PDE6C: variants seen among roughly 807,000 people sequenced by gnomAD.
The protein encoded by PDE6C is phosphodiesterase 6C.
A neutral mutation model predicts 113.1 loss-of-function variants in PDE6C; 75 were observed. That is an observed-to-expected ratio of 0.66 (90% CI 0.55 to 0.80). The LOEUF is 0.80. Among genes scored for constraint, PDE6C ranks in the 30% least tolerant of loss-of-function variants. PDE6C has a pLI of 0.00. For missense variants in PDE6C, 912 were observed against 1,038.6 expected, an observed-to-expected ratio of 0.88 and a Z score of 1.67; for synonymous variants, 375 against 363.7, an observed-to-expected ratio of 1.03 and a Z score of -0.35.
At position 93,640,068 on chromosome 10, in the gene PDE6C, A is replaced by T; in HGVS notation, c.1483-2A>T. ...TGAAACAACCCATCCTTATTTCAAC[A>T]GAAAGAGGACTTGCCAGACCCACGC... On this transcript the variant is annotated splice_acceptor_variant, in intron 11 of 21. Transcript: ENST00000371447. LOFTEE classifies it high-confidence loss of function. 6.2e-7 allele frequency: 1 copy of T among 1,614,080 alleles called. No individual in the cohort carries two copies. Among genetic ancestry groups the T allele is most frequent in the Non-Finnish European group, 8.5e-7 (1 of 1,179,922 alleles).
intron 15 of PDE6C, among the ~76,000 whole-genome samples, chr10:93,651,174 C>T (rs1176286374): frequency 6.6e-6 from 1 of 152,196 alleles, no homozygotes; most frequent in Non-Finnish European, 1.5e-5. Context: ...GTGGAGCCAA[C>T]TATCTGCCTA....
At chr10:93,638,748 A>G (rs1283230226) in intron 11 of PDE6C, among the ~76,000 whole-genome samples, 5 of 152,216 alleles carry the variant, frequency 3.3e-5, no homozygotes, top group African/African-American at 9.7e-5. Flanking sequence ...TTATTTGTCC[A>G]TCTTCACGTA....
intron 1 of PDE6C, among the ~76,000 whole-genome samples, chr10:93,615,662 G>A (rs759262477): frequency 2.0e-5 from 3 of 152,208 alleles, no homozygotes; most frequent in Non-Finnish European, 2.9e-5. Context: ...GATTACAGGC[G>A]TGAGCCACTG....
chr10:93,624,500 A>G (rs948439822), intron 4 of PDE6C, among the ~76,000 whole-genome samples: 6 of 152,160 alleles, frequency 3.9e-5, no homozygotes, highest in African/African-American at 1.4e-4. Flanking sequence ...GGCCTCTCAA[A>G]GTGCTGGGAT....
chr10:93,661,431 C>G (rs1205483006), intron 18 of PDE6C, among the ~76,000 whole-genome samples: 1 of 152,202 alleles, frequency 6.6e-6, no homozygotes, highest in African/African-American at 2.4e-5. Flanking sequence ...TTCTCCCTGA[C>G]CCATAGCACT....
chr10:93,620,570 C>T, intron 1 of PDE6C, 62 bp from the exon 2 acceptor site: 1 of 1,509,204 alleles, frequency 6.6e-7, no homozygotes, highest in Non-Finnish European at 9.2e-7. Flanking sequence ...CTGTCATCAT[C>T]CCTAGATCTA....
At chr10:93,618,095 G>C (rs559542516) in intron 1 of PDE6C, among the ~76,000 whole-genome samples, 2 of 152,228 alleles carry the variant, frequency 1.3e-5, no homozygotes, top group South Asian at 4.2e-4. Flanking sequence ...CTGGAGGAAG[G>C]GTGCTCCGCG....
intron 19 of PDE6C, 94 bp downstream of exon 19, chr10:93,662,227 G>C: frequency 1.3e-6 from 1 of 799,766 alleles, no homozygotes; most frequent in Non-Finnish European, 2.2e-6. Flanking sequence ...CACTTTGGGA[G>C]GCTGAGGTGG....
At chr10:93,631,577 C>T (rs1255061638) in intron 8 of PDE6C, among the ~76,000 whole-genome samples, 1 of 151,848 alleles carries the variant, frequency 6.6e-6, no homozygotes, top group African/African-American at 2.4e-5. Flanking sequence ...ATGTCTCTCT[C>T]AGCACCCCCA....
chr10:93,615,474 C>G (rs560068767), intron 1 of PDE6C, among the ~76,000 whole-genome samples: 6 of 152,116 alleles, frequency 3.9e-5, no homozygotes, highest in Non-Finnish European at 5.9e-5. Flanking sequence ...CTCTGCCTCC[C>G]GGGTTCAAGC....
Position 93,626,589 on chromosome 10 carries a change from G to T in PDE6C, c.940-51G>T, listed in dbSNP as rs369622605. On this transcript the variant is annotated intron_variant, in intron 5 of 21. Coordinates refer to ENST00000371447, the MANE Select transcript of PDE6C (RefSeq NM_006204.4). ...AAGTACAAGTTCCCCAATGAAAAAT[G>T]ATTTCTTTGGGAAATAACATTATTC... The T allele has an allele frequency of 1.4e-5, 15 of 1,059,184 alleles. No individual in the cohort carries two copies. In the South Asian group the frequency reaches 1.5e-4, roughly 10 times the overall value. 65.6% of individuals were successfully genotyped at this position (1,059,184 alleles called of 1,614,324 possible). A position where few individuals can be genotyped will look rare whatever the true frequency, so the allele number is the denominator to read the frequency against.
rs1321673918 is a variant in PDE6C, at chr10:93,661,693, TCA to T, written c.2209-363_2209-362del. Among the ~76,000 whole-genome samples, 5 of 152,290 alleles carry T rather than the reference TCA, an allele frequency of 3.3e-5. No homozygotes were observed. The South Asian group carries it at 1.0e-3, about 32-fold the overall frequency. Reference sequence around the variant, plus strand: ...TAATGGGTGTATGTCACATGTGCATTCACAGACATATGCTAGATGCTAACAGA... The same window carrying T: ...TAATGGGTGTATGTCACATGTGCATTCAGACATATGCTAGATGCTAACAGA... On this transcript the variant is annotated intron_variant, in intron 18 of 21. Coordinates refer to ENST00000371447, the MANE Select transcript of PDE6C (RefSeq NM_006204.4).
intron 5 of PDE6C, 39 bp downstream of exon 5, chr10:93,625,688 G>A: frequency 7.0e-7 from 1 of 1,427,394 alleles, no homozygotes; most frequent in Non-Finnish European, 9.9e-7. Flanking sequence ...TCTGTGCATG[G>A]TGTCAGGTGC....
chr10:93,638,437 C>A (rs927964270), intron 11 of PDE6C, among the ~76,000 whole-genome samples: 2 of 152,114 alleles, frequency 1.3e-5, no homozygotes, highest in Non-Finnish European at 2.9e-5. Context: ...GCCCAGAAGA[C>A]CACCCTTTCT....
chr10:93,624,571 A>C (rs1444763791), intron 4 of PDE6C, among the ~76,000 whole-genome samples: 1 of 152,134 alleles, frequency 6.6e-6, no homozygotes, highest in African/African-American at 2.4e-5. Flanking sequence ...TGTGATTGGA[A>C]GTTATTTTTT....
intron 10 of PDE6C, 150 bp downstream of exon 10, chr10:93,635,790 T>A (rs965384021): frequency 3.6e-6 from 3 of 832,678 alleles, no homozygotes; most frequent in East Asian, 2.7e-5. Flanking sequence ...GAAGAAGACA[T>A]GGATGGCCCA....
At chr10:93,637,099 A>AT in intron 11 of PDE6C, 36 bp downstream of exon 11, 1 of 1,025,098 alleles carries the variant, frequency 9.8e-7, no homozygotes, top group Non-Finnish European at 1.5e-6. Context: ...TGCCTGTTAA[A>AT]TAGAGGCATT....
At chr10:93,651,795 T>C (rs770133999) in intron 15 of PDE6C, among the ~76,000 whole-genome samples, 3 of 152,186 alleles carry the variant, frequency 2.0e-5, no homozygotes, top group African/African-American at 4.8e-5. Context: ...GTCTAGGAGA[T>C]TGAATATCAG....
intron 15 of PDE6C, among the ~76,000 whole-genome samples, chr10:93,647,692 C>T (rs1436290595): frequency 6.6e-6 from 1 of 152,146 alleles, no homozygotes; most frequent in East Asian, 1.9e-4. Context: ...AGGCACAGAT[C>T]CTGGGCCCCA....
Sources: allele counts gnomAD v4.1 joint callset (sites outside exome capture counted in the v4.1 genomes callset), GRCh38; gene constraint gnomAD v4.1.1; transcripts MANE v1.5; gene names NCBI Gene and HGNC (gene_info 2026-07-23, HGNC 2026-07-21).